Variants in ATP6AP2 observed in about 807,000 individuals in gnomAD.
ATP6AP2 encodes the protein ATPase H+ transporting accessory protein 2.
Under a neutral mutation model 23.4 loss-of-function variants are expected in ATP6AP2, and 1 was observed. The observed-to-expected ratio is 0.04, with a 90% confidence interval of 0.02 to 0.20. ATP6AP2 has a LOEUF of 0.20. ATP6AP2 is among the 10% of genes least tolerant of loss of function. ATP6AP2 has a pLI of 1.00. For missense variants in ATP6AP2, 174 were observed against 271.3 expected (o/e 0.64, Z 2.52); for synonymous variants, 90 against 97.1 (o/e 0.93, Z 0.43).
At chrX:40,601,485 T>G (rs1035627392) in intron 8 of ATP6AP2, among the ~76,000 whole-genome samples, 17 of 111,918 alleles carry the variant, frequency 1.5e-4, no homozygotes, top group African/African-American at 5.5e-4. Context: ...TGCTTTGATT[T>G]TAAGCATTTA....
At position 40,584,362 on chromosome X, in the gene ATP6AP2, A is replaced by C. The variant is rs1176203972; in HGVS notation, c.37+3260A>C. On this transcript the variant is annotated intron_variant, in intron 1 of 8. Coordinates refer to ENST00000636580, the MANE Select transcript of ATP6AP2 (RefSeq NM_005765.3). ...GTGTGAGCCATCGCACCCAGCCTCT[A>C]TCTTTTTTTTTTTTTTTTTCCTTTT... Among the ~76,000 whole-genome samples the C allele has an allele frequency of 5.9e-5, 4 of 67,252 alleles. No individual in the cohort carries two copies. In the East Asian group the frequency reaches 1.9e-3, roughly 32 times the overall value. 58.4% of individuals were successfully genotyped at this position (67,252 alleles called of 115,157 possible).
At chrX:40,592,177 C>G (rs1443348838) in intron 3 of ATP6AP2, 2 of 112,167 alleles carry the variant, frequency 1.8e-5, no homozygotes, top group East Asian at 5.6e-4. Flanking sequence ...CATGACCTGC[C>G]CCATAGGGAC....
chrX:40,581,007 G>T lies in ATP6AP2; in HGVS notation c.-59G>T. 8.7e-7 allele frequency: 1 copy of T among 1,154,649 alleles called. No homozygotes were observed. Among genetic ancestry groups the T allele is most frequent in the African/African-American group, 1.8e-5 (1 of 56,304 alleles). ...GTCACCTCCTCACGCTGCGGCTGTCGCCCGTGTCCCGCCGGCCCGTTCCGT... is the reference window on the plus strand; with the variant it reads ...GTCACCTCCTCACGCTGCGGCTGTCTCCCGTGTCCCGCCGGCCCGTTCCGT... On this transcript the variant is annotated 5_prime_UTR_variant, in exon 1 of 9. Transcript: ENST00000636580.
At chrX:40,596,606 A>G (rs2146542265) in intron 3 of ATP6AP2, among the ~76,000 whole-genome samples, 1 of 111,117 alleles carries the variant, frequency 9.0e-6, no homozygotes, top group East Asian at 2.8e-4. Flanking sequence ...TTTGTATACT[A>G]TATTATATGT....
chrX:40,602,585 G>A (rs1926949980), intron 8 of ATP6AP2, among the ~76,000 whole-genome samples: 1 of 107,765 alleles, frequency 9.3e-6, no homozygotes, highest in South Asian at 4.3e-4. Context: ...GGGAGGCGGA[G>A]GTTGCAGTGA....
intron 3 of ATP6AP2, chrX:40,595,727 C>T (rs1198230482): frequency 8.9e-6 from 1 of 111,938 alleles, no homozygotes; most frequent in African/African-American, 3.2e-5. Flanking sequence ...TGATTCAGGG[C>T]GGCTGCTAGC....
intron 2 of ATP6AP2, chrX:40,589,921 CAG>C (rs778647823): frequency 8.9e-6 from 1 of 112,622 alleles, no homozygotes; most frequent in Non-Finnish European, 1.9e-5. Flanking sequence ...CCCTTGAAAA[CAG>C]AAACTCTACC....
At chrX:40,598,267 C>T in intron 5 of ATP6AP2, 1 of 177,897 alleles carries the variant, frequency 5.6e-6, no homozygotes, top group Non-Finnish European at 1.0e-5. Flanking sequence ...GTGGCCTCCC[C>T]TTTTTATTTG....
chrX:40,597,098 A>C (rs1926791633), intron 3 of ATP6AP2, 151 bp from the exon 4 acceptor site: 3 of 490,554 alleles, frequency 6.1e-6, no homozygotes, highest in East Asian at 7.6e-5. Flanking sequence ...CTGTGCCCTC[A>C]AAAGGGCTTG....
At chrX:40,588,952 T>C in intron 1 of ATP6AP2, 34 bp from the exon 2 acceptor site, 1 of 1,190,310 alleles carries the variant, frequency 8.4e-7, no homozygotes, top group Non-Finnish European at 1.1e-6. Flanking sequence ...TTTATGATGT[T>C]GATAATTCAT....
Position 40,606,359 on chromosome X carries a change from A to G in ATP6AP2, c.*604A>G, listed in dbSNP as rs1927069770. On this transcript the variant is annotated 3_prime_UTR_variant, in exon 9 of 9. Coordinates refer to ENST00000636580, the MANE Select transcript of ATP6AP2 (RefSeq NM_005765.3). ...AGTTTGTTGACCTACATGGGCTAAT[A>G]TGGATACTAAAAATACTACATTGAT... The G allele has an allele frequency of 8.8e-6, 1 of 113,223 alleles. No homozygotes were observed. The highest frequency in any genetic ancestry group is 9.4e-5 in the Admixed American group (1 of 10,689). The allele number at this position is 113,223 out of a possible 1,213,427, so 9.3% of individuals were successfully genotyped here.
chrX:40,603,120 G>T (rs1205569519), intron 8 of ATP6AP2, among the ~76,000 whole-genome samples: 1 of 107,183 alleles, frequency 9.3e-6, no homozygotes, highest in African/African-American at 3.4e-5. Flanking sequence ...TTTTAGTAGA[G>T]ATGGGGTTTT....
chrX:40,584,333 G>A (rs767223616), intron 1 of ATP6AP2, among the ~76,000 whole-genome samples: 7 of 105,454 alleles, frequency 6.6e-5, no homozygotes, highest in African/African-American at 2.1e-4. Context: ...GGGATTACAC[G>A]CAGGTGTGAG....
intron 1 of ATP6AP2, among the ~76,000 whole-genome samples, chrX:40,588,334 G>GCCCCA (rs1926530112): frequency 8.1e-5 from 1 of 12,418 alleles, no homozygotes; most frequent in African/African-American, 1.9e-4. Context: ...TGACATGTAT[G>GCCCCA]CCCCCCCCCC....
intron 2 of ATP6AP2, 141 bp downstream of exon 2, chrX:40,589,257 G>T (rs1235715154): frequency 2.1e-5 from 15 of 724,713 alleles, no homozygotes; most frequent in Admixed American, 1.8e-4. Context: ...TCTGGACCAG[G>T]CACAGTGGCT....
At chrX:40,592,789 G>T (rs1191098278) in intron 3 of ATP6AP2, among the ~76,000 whole-genome samples, 2 of 108,985 alleles carry the variant, frequency 1.8e-5, no homozygotes, top group African/African-American at 6.7e-5. Flanking sequence ...TCCTGTGGTC[G>T]AGTATAGATT....
At chrX:40,592,843 G>C (rs1429197876) in intron 3 of ATP6AP2, among the ~76,000 whole-genome samples, 1 of 110,521 alleles carries the variant, frequency 9.0e-6, no homozygotes, top group Admixed American at 9.7e-5. Context: ...TTACTGTGCA[G>C]TAGTCCACAA....
At chrX:40,591,087 C>A (rs1029919479) in intron 2 of ATP6AP2, 147 bp from the exon 3 acceptor site, 6 of 694,192 alleles carry the variant, frequency 8.6e-6, no homozygotes, top group Non-Finnish European at 1.3e-5. Flanking sequence ...ATTGCAACGA[C>A]TGCCACAAAT....
At position 40,591,294 on chromosome X, in the gene ATP6AP2, A is replaced by G; in HGVS notation, c.229A>G (p.Met77Val). 4.1e-6 allele frequency: 5 copies of G among 1,210,872 alleles called. No individual in the cohort carries two copies. The highest frequency in any genetic ancestry group is 2.2e-5 in the Admixed American group (1 of 46,029). Residue 77 changes from methionine (M) to valine (V), a missense_variant, in exon 3 of 9, where the codon ATG becomes GTG. Physicochemically the swap from Met to Val is conservative, Grantham distance 21. Transcript: ENST00000636580. The stretch of plus-strand genomic sequence containing the variant: ...GTTTCATCGTCCTCGGGCTACCGTC[A>G]TGGTGATGGTGAAGGGAGTGAACAA... ...NLFHRPRATV[M>V]VMVKGVNKLA...
Sources: allele counts gnomAD v4.1 joint callset (sites outside exome capture counted in the v4.1 genomes callset), GRCh38; gene constraint gnomAD v4.1.1; transcripts MANE v1.5; gene names NCBI Gene and HGNC (gene_info 2026-07-23, HGNC 2026-07-21).